The following GRID2IP variants were observed in gnomAD, a reference collection of about 807,000 sequenced individuals.
GRID2IP encodes delphilin.
In GRID2IP, 78 loss-of-function variants were observed where a neutral mutation model predicts 114.3. The ratio of observed to expected loss-of-function variants is 0.68; its 90% CI spans 0.57 to 0.82. The LOEUF (loss-of-function observed/expected upper bound fraction) is 0.82. GRID2IP is among the 40% of genes least tolerant of loss of function. GRID2IP has a pLI of 0.00. For missense variants in GRID2IP, 1,727 were observed against 1,678.5 expected (o/e 1.03, Z -0.51); for synonymous variants, 809 against 724.0 (o/e 1.12, Z -1.89).
At chr7:6,536,000 T>G (rs1290828935) in intron 2 of GRID2IP, among the ~76,000 whole-genome samples, 2 of 152,190 alleles carry the variant, frequency 1.3e-5, no homozygotes, top group Admixed American at 6.5e-5. Context: ...TGCTCTGTGC[T>G]GAGTTAGCCA....
At chr7:6,550,593 T>C (rs1170047319) in intron 1 of GRID2IP, among the ~76,000 whole-genome samples, 1 of 150,204 alleles carries the variant, frequency 6.7e-6, no homozygotes, top group Admixed American at 6.7e-5. Flanking sequence ...GGCAGATCAC[T>C]TGAGGTCAGG....
chr7:6,533,985 G>A (rs1779681406), intron 2 of GRID2IP, among the ~76,000 whole-genome samples: 1 of 152,060 alleles, frequency 6.6e-6, no homozygotes, highest in African/African-American at 2.4e-5. Flanking sequence ...ATGACACTTG[G>A]CACTGAAGCA....
In GRID2IP at chr7:6,520,385, C is replaced by A. The variant is rs1420250067; in HGVS notation, c.1268+193G>T. On this transcript the variant is annotated intron_variant, in intron 7 of 21. Transcript: ENST00000457091. The surrounding 1 kb of genome is among the most constrained non-coding windows in gnomAD (Gnocchi z 4.6). ...CCAAGGTCACGTGACTAGGAGGTGT[C>A]AGAGTCAGAGATTGTTCCAGGGCAG... is the stretch of plus-strand genomic sequence containing the variant. Among the ~76,000 whole-genome samples, 1 of 152,188 alleles carries A rather than the reference C, an allele frequency of 6.6e-6. No homozygotes were observed. The highest frequency in any genetic ancestry group is 2.4e-5 in the African/African-American group (1 of 41,460).
rs149660670 is a variant in GRID2IP, at chr7:6,519,856, G to A, written c.1268+722C>T. ...GACCATAATAATGACCCCATGGACC[G>A]AGGAGTGTGATAAATGCAGCTGGCT... On this transcript the variant is annotated intron_variant, in intron 7 of 21. Transcript: ENST00000457091. This position sits in a 1 kb window ranked among gnomAD's most constrained non-coding sequence, Gnocchi z 4.1. Among the ~76,000 whole-genome samples, 2 of 152,226 alleles carry A rather than the reference G, an allele frequency of 1.3e-5. No individual in the cohort carries two copies. The highest frequency in any genetic ancestry group is 2.9e-5 in the Non-Finnish European group (2 of 68,048).
At chr7:6,542,186 T>C (rs577215708) in intron 1 of GRID2IP, among the ~76,000 whole-genome samples, 1 of 150,046 alleles carries the variant, frequency 6.7e-6, no homozygotes, top group South Asian at 2.1e-4. Context: ...CCTTTATTCA[T>C]CCCAGCTACT....
intron 2 of GRID2IP, chr7:6,530,940 G>A (rs1779609195): frequency 6.1e-6 from 3 of 495,550 alleles, no homozygotes; most frequent in Admixed American, 4.2e-5. Flanking sequence ...AGGCTCGGAG[G>A]GTGCCCACCC....
chr7:6,518,478 C>T (rs540945019), intron 7 of GRID2IP, among the ~76,000 whole-genome samples: 1 of 152,252 alleles, frequency 6.6e-6, no homozygotes, highest in East Asian at 1.9e-4. Flanking sequence ...TGGCTCACAC[C>T]TGTAATCCCA....
chr7:6,517,931 T>A (rs1395444771), intron 7 of GRID2IP, among the ~76,000 whole-genome samples: 1 of 143,964 alleles, frequency 6.9e-6, no homozygotes, highest in Non-Finnish European at 1.5e-5. Flanking sequence ...AATAAATAAA[T>A]AAAATAAAAT....
At chr7:6,550,628 TG>T (rs1440032013) in intron 1 of GRID2IP, among the ~76,000 whole-genome samples, 2 of 134,614 alleles carry the variant, frequency 1.5e-5, no homozygotes, top group Non-Finnish European at 3.1e-5. Flanking sequence ...CTGACCAACA[TG>T]GTGAAACCCC....
intron 1 of GRID2IP, among the ~76,000 whole-genome samples, chr7:6,543,157 G>A (rs1361770224): frequency 2.6e-5 from 4 of 152,210 alleles, no homozygotes; most frequent in African/African-American, 7.2e-5. Flanking sequence ...CACTTTGGGA[G>A]GCGAAGGTGG....
At chr7:6,505,017 C>T in intron 14 of GRID2IP, 147 bp from the exon 15 acceptor site, 1 of 679,864 alleles carries the variant, frequency 1.5e-6, no homozygotes, top group South Asian at 1.8e-5. Flanking sequence ...TCCCTTCATT[C>T]CTCAGGTCGG....
At chr7:6,544,424 C>T (rs1334599187) in intron 1 of GRID2IP, among the ~76,000 whole-genome samples, 1 of 151,818 alleles carries the variant, frequency 6.6e-6, no homozygotes, top group Non-Finnish European at 1.5e-5. Flanking sequence ...GGATTACAGG[C>T]ACCCGCCACC....
In GRID2IP at chr7:6,520,454, C is replaced by T. The variant is rs1779390718; in HGVS notation, c.1268+124G>A. The T allele has an allele frequency of 1.8e-6, 2 of 1,134,670 alleles. No homozygotes were observed. Among genetic ancestry groups the T allele is most frequent in the South Asian group, 1.7e-5 (1 of 60,514 alleles). 70.3% of individuals were successfully genotyped at this position (1,134,670 alleles called of 1,614,324 possible). A position where few individuals can be genotyped will look rare whatever the true frequency, so the allele number is the denominator to read the frequency against. ...TGGGGCCCCTGATACCAGCAGCCAC[C>T]TTCCTGAGCATCCCCCAGGAGAACG... On this transcript the variant is annotated intron_variant, in intron 7 of 21. Transcript: ENST00000457091. The surrounding 1 kb of genome is among the most constrained non-coding windows in gnomAD (Gnocchi z 4.6).
At position 6,507,877 on chromosome 7, in the gene GRID2IP, T is replaced by C. The variant is rs147543975; in HGVS notation, c.2544+108A>G. ...GCCTCTACTCATCCTCTGCTTGGGG[T>C]AGGGAGGATGATGTTGGAAGATGCC... On this transcript the variant is annotated intron_variant, in intron 13 of 21. Transcript: ENST00000457091. This position sits in a 1 kb window ranked among gnomAD's most constrained non-coding sequence, Gnocchi z 5.3. 1,993 of 1,469,408 alleles carry C rather than the reference T, an allele frequency of 1.4e-3. No individual in the cohort carries two copies. The highest frequency in any genetic ancestry group is 1.7e-3 in the Non-Finnish European group (1,846 of 1,102,492). The allele number at this position is 1,469,408 out of a possible 1,614,324, so 91.0% of individuals were successfully genotyped here. A position where few individuals can be genotyped will look rare whatever the true frequency, so the allele number is the denominator to read the frequency against.
intron 1 of GRID2IP, among the ~76,000 whole-genome samples, chr7:6,543,717 C>G (rs997112150): frequency 6.6e-6 from 1 of 152,016 alleles, no homozygotes; most frequent in African/African-American, 2.4e-5. Flanking sequence ...TCAAGCGATC[C>G]TCCCACCTCT....
Position 6,526,730 on chromosome 7 carries a change from C to A in GRID2IP, c.624G>T (p.Glu208Asp). 1 of 1,525,198 alleles carries A rather than the reference C, an allele frequency of 6.6e-7. No individual in the cohort carries two copies. Among genetic ancestry groups the A allele is most frequent in the Non-Finnish European group, 8.8e-7 (1 of 1,136,424 alleles). 94.5% of individuals were successfully genotyped at this position (1,525,198 alleles called of 1,614,324 possible). A position where few individuals can be genotyped will look rare whatever the true frequency, so the allele number is the denominator to read the frequency against. ...TGCCCAGGAGGCCCTGAGACACCAC[C>A]TCGTCGAAGCGCGCCCGGTGCTTCT... ...IPKKHRARFD[E>D]VVSQGLLGKL... The change falls in exon 3 of 22, where the codon GAG (glutamate) becomes GAT (aspartate). Residue 208 changes from glutamate to aspartate, a missense_variant. Transcript: ENST00000457091. The surrounding 1 kb of genome is among the most constrained non-coding windows in gnomAD (Gnocchi z 7.6).
Position 6,503,576 on chromosome 7 carries a change from G to A in GRID2IP, c.2822C>T (p.Ala941Val). 1 of 1,528,936 alleles carries A rather than the reference G, an allele frequency of 6.5e-7. No individual in the cohort carries two copies. The highest frequency in any genetic ancestry group is 8.7e-7 in the Non-Finnish European group (1 of 1,144,258). The allele number at this position is 1,528,936 out of a possible 1,614,324, so 94.7% of individuals were successfully genotyped here. The change falls in exon 16 of 22, where the codon GCG (alanine) becomes GTG (valine). Residue 941 changes from alanine to valine, a missense_variant. Ala to Val is a moderately conservative substitution (Grantham distance 64). Transcript: ENST00000457091. ...GCGCTGCTCCTCGTCGGCGTCGGGC[G>A]CGAAGAGCAGCAGCTGCGCGAGATG... ...PAHLAQLLLFAPDADEEQRYQ... is the reference protein window; with the variant it reads ...PAHLAQLLLFVPDADEEQRYQ...
At chr7:6,514,043 G>A (rs1159643452) in intron 8 of GRID2IP, among the ~76,000 whole-genome samples, 1 of 151,830 alleles carries the variant, frequency 6.6e-6, no homozygotes, top group African/African-American at 2.4e-5. Flanking sequence ...CATGAGGTCA[G>A]GAGATAGAGA....
rs1209109093 is a variant in GRID2IP at position 6,509,417 on chromosome 7, C to T, written c.1772-104G>A. The T allele has an allele frequency of 9.5e-6, 10 of 1,054,276 alleles. No homozygotes were observed. In the East Asian group the frequency reaches 3.0e-4, roughly 32 times the overall value. 65.3% of individuals were successfully genotyped at this position (1,054,276 alleles called of 1,614,324 possible). A position where few individuals can be genotyped will look rare whatever the true frequency, so the allele number is the denominator to read the frequency against. On this transcript the variant is annotated intron_variant, in intron 11 of 21. Coordinates refer to ENST00000457091, the MANE Select transcript of GRID2IP (RefSeq NM_001145118.2). The surrounding 1 kb of genome is among the most constrained non-coding windows in gnomAD (Gnocchi z 4.9). ...GGACAGACTGGCTCTGTGTCCCAGGCCACTCTCCTTTCCCTCTCTGGGCAC... is the reference window on the plus strand; with the variant it reads ...GGACAGACTGGCTCTGTGTCCCAGGTCACTCTCCTTTCCCTCTCTGGGCAC...
Sources: gnomAD v4.1 joint callset for allele counts (sites outside exome capture counted in the v4.1 genomes callset) on GRCh38, gnomAD v4.1.1 for gene constraint, Gnocchi (gnomAD v3.1) non-coding constraint, MANE v1.5 for transcripts, NCBI Gene and HGNC (gene_info 2026-07-23, HGNC 2026-07-21) for gene names.